CAMSAP1: variants seen among roughly 807,000 people sequenced by gnomAD.
CAMSAP1 encodes the protein calmodulin regulated spectrin associated protein 1, also known as calmodulin-regulated spectrin-associated protein 1.
CAMSAP1 carries 58 observed loss-of-function variants against 143.5 expected under a neutral mutation model. That is an observed-to-expected ratio of 0.40 (90% confidence interval 0.33 to 0.50). The LOEUF (loss-of-function observed/expected upper bound fraction) is 0.50. Among genes scored for constraint, CAMSAP1 ranks in the 20% least tolerant of loss-of-function variants. The pLI, the probability that CAMSAP1 is intolerant of heterozygous loss-of-function variation, is 0.45. For missense variants in CAMSAP1, 1,969 were observed against 2,115.7 expected (o/e 0.93, Z 1.36); for synonymous variants, 945 against 859.3 (o/e 1.10, Z -1.74).
chr9:135,812,285 C>A (rs1036196924), intron 16 of CAMSAP1, among the ~76,000 whole-genome samples: 2 of 152,080 alleles, frequency 1.3e-5, no homozygotes, highest in East Asian at 1.9e-4. Flanking sequence ...CAGCAGATGA[C>A]GAGATGAACA....
At chr9:135,855,509 C>T (rs1158046665) in intron 5 of CAMSAP1, among the ~76,000 whole-genome samples, 5 of 151,924 alleles carry the variant, frequency 3.3e-5, no homozygotes, top group South Asian at 2.1e-4. Context: ...GAGGCCAAGG[C>T]GGGCAGATTA....
In CAMSAP1 at chr9:135,818,936, G is replaced by A; in HGVS notation, c.3959+74C>T. On this transcript the variant is annotated intron_variant, in intron 12 of 16. Transcript: ENST00000389532. The surrounding 1 kb of genome is among the most constrained non-coding windows in gnomAD (Gnocchi z 7.7). The stretch of plus-strand genomic sequence containing the variant: ...TTGCCATGGTCCATGCTCAGTGCCA[G>A]CAACGGGACCGGGGCCGCCAGGGAC... 1 of 1,556,868 alleles carries A rather than the reference G, an allele frequency of 6.4e-7. No homozygotes were observed. Among genetic ancestry groups the A allele is most frequent in the Non-Finnish European group, 8.6e-7 (1 of 1,158,186 alleles).
chr9:135,879,835 G>GA (rs1837878309), intron 3 of CAMSAP1, among the ~76,000 whole-genome samples: 1 of 151,880 alleles, frequency 6.6e-6, no homozygotes, highest in African/African-American at 2.4e-5. Flanking sequence ...GGCCACAGGG[G>GA]AGTCACTGGA....
chr9:135,868,361 C>G (rs1444775021), intron 3 of CAMSAP1, among the ~76,000 whole-genome samples: 2 of 152,138 alleles, frequency 1.3e-5, no homozygotes, highest in Non-Finnish European at 2.9e-5. Flanking sequence ...GTGCACCTGA[C>G]TGAGTTACAA....
At chr9:135,885,028 T>C (rs1009472) in intron 1 of CAMSAP1, among the ~76,000 whole-genome samples, 21,929 of 152,120 alleles carry the variant, frequency 0.14, 1,751 homozygotes, top group Non-Finnish European at 0.17. Flanking sequence ...AGCCTTCCTC[T>C]TATTCAACTG....
intron 1 of CAMSAP1, among the ~76,000 whole-genome samples, chr9:135,889,728 C>G (rs904761603): frequency 6.6e-5 from 10 of 152,226 alleles, no homozygotes; most frequent in African/African-American, 2.4e-4. Flanking sequence ...CTCCTCCTTC[C>G]CCTGAGCTCT....
intron 1 of CAMSAP1, among the ~76,000 whole-genome samples, chr9:135,889,925 G>A (rs1838234938): frequency 6.6e-6 from 1 of 152,194 alleles, no homozygotes; most frequent in Admixed American, 6.5e-5. Context: ...AGCTCACGAA[G>A]AAATCTCGAG....
At chr9:135,830,947 G>T (rs563106376) in intron 7 of CAMSAP1, among the ~76,000 whole-genome samples, 46 of 152,224 alleles carry the variant, frequency 3.0e-4, no homozygotes, top group Non-Finnish European at 5.1e-4. Flanking sequence ...GAGGGGGGCA[G>T]ATCACCTGAG....
chr9:135,849,449 G>C (rs889159248), intron 7 of CAMSAP1, among the ~76,000 whole-genome samples: 3 of 152,180 alleles, frequency 2.0e-5, no homozygotes, highest in Admixed American at 1.3e-4. Context: ...AGGCCAAGCA[G>C]CTTTTCACAA....
chr9:135,875,270 C>T (rs1837702395), intron 3 of CAMSAP1, among the ~76,000 whole-genome samples: 1 of 150,876 alleles, frequency 6.6e-6, no homozygotes, highest in Non-Finnish European at 1.5e-5. Context: ...AGTGCAGTGG[C>T]ATGATCTCAG....
chr9:135,836,919 C>T, intron 7 of CAMSAP1: 8 of 983,454 alleles, frequency 8.1e-6, no homozygotes, highest in Non-Finnish European at 9.6e-6. Context: ...CACACGTCAC[C>T]ACACACTTTC....
At chr9:135,863,520 A>C (rs528706156) in intron 4 of CAMSAP1, among the ~76,000 whole-genome samples, 2 of 152,352 alleles carry the variant, frequency 1.3e-5, no homozygotes, top group South Asian at 4.1e-4. Context: ...ATCTACAATA[A>C]AAAATGACTG....
At chr9:135,906,533 G>C (rs1301070876) in intron 1 of CAMSAP1, among the ~76,000 whole-genome samples, 1 of 152,226 alleles carries the variant, frequency 6.6e-6, no homozygotes, top group African/African-American at 2.4e-5. Context: ...GCAATTTCTA[G>C]TTGGGGAATT....
Position 135,818,772 on chromosome 9 carries a change from G to A in CAMSAP1, c.3960-156C>T, listed in dbSNP as rs902455942. On this transcript the variant is annotated intron_variant, in intron 12 of 16. Transcript: ENST00000389532. The surrounding 1 kb of genome is among the most constrained non-coding windows in gnomAD (Gnocchi z 7.7). ...ACAAGCGGGACACAGAGGCTGCAAA[G>A]GCAGTCCTGCAGATGACCCACCGAG... is the stretch of plus-strand genomic sequence containing the variant. The A allele has an allele frequency of 1.3e-5, 14 of 1,102,638 alleles. No homozygotes were observed. The African/African-American group carries it at 2.0e-4, about 16-fold the overall frequency. The allele number at this position is 1,102,638 out of a possible 1,614,324, so 68.3% of individuals were successfully genotyped here.
chr9:135,842,220 T>C (rs112362772), intron 7 of CAMSAP1, among the ~76,000 whole-genome samples: 5,259 of 152,098 alleles, frequency 0.035, 289 homozygotes, highest in African/African-American at 0.12. Flanking sequence ...TATCAGTAGC[T>C]GAATCGATCA....
chr9:135,844,966 C>A (rs1836499382), intron 7 of CAMSAP1, among the ~76,000 whole-genome samples: 1 of 152,152 alleles, frequency 6.6e-6, no homozygotes, highest in South Asian at 2.1e-4. Flanking sequence ...ACCATTCCTT[C>A]TGAAACTATT....
Position 135,857,037 on chromosome 9 carries a change from C to A in CAMSAP1, c.808+5430G>T, listed in dbSNP as rs554799772. Among the ~76,000 whole-genome samples the A allele has an allele frequency of 6.6e-5, 10 of 152,278 alleles. No homozygotes were observed. The South Asian group carries it at 1.9e-3, about 28-fold the overall frequency. ...AGGAATCTGGTGTCATTGGGGCTGCCTGCTTGTGTGTAACCTGCTTGGTCT... is the reference window on the plus strand; with the variant it reads ...AGGAATCTGGTGTCATTGGGGCTGCATGCTTGTGTGTAACCTGCTTGGTCT... On this transcript the variant is annotated intron_variant, in intron 5 of 16. Transcript: ENST00000389532.
chr9:135,883,657 A>ACAGCAG (rs376030945), intron 1 of CAMSAP1, among the ~76,000 whole-genome samples: 1 of 152,312 alleles, frequency 6.6e-6, no homozygotes, highest in African/African-American at 2.4e-5. Context: ...CCATGACGAC[A>ACAGCAG]CAGCAGCAGC....
intron 7 of CAMSAP1, among the ~76,000 whole-genome samples, chr9:135,840,176 G>A: frequency 6.6e-6 from 1 of 152,304 alleles, no homozygotes; most frequent in African/African-American, 2.4e-5. Context: ...CCTGGCCATA[G>A]GGTTTCAGCA....
Sources: allele counts gnomAD v4.1 joint callset (sites outside exome capture counted in the v4.1 genomes callset), GRCh38; gene constraint gnomAD v4.1.1; non-coding constraint Gnocchi (gnomAD v3.1); transcripts MANE v1.5; gene names NCBI Gene and HGNC (gene_info 2026-07-23, HGNC 2026-07-21).